SH3RF3: variants seen among roughly 807,000 people sequenced by gnomAD.
The protein encoded by SH3RF3 is SH3 domain containing ring finger 3.
In SH3RF3, 29 loss-of-function variants were observed where a neutral mutation model predicts 66.3. The observed-to-expected ratio is 0.44, with a 90% CI of 0.33 to 0.60. The LOEUF is 0.60. Among genes scored for constraint, SH3RF3 ranks in the 20% least tolerant of loss-of-function variants. The pLI, the probability that SH3RF3 is intolerant of heterozygous loss-of-function variation, is 0.04. For synonymous variants in SH3RF3, 583 were observed against 532.0 expected, an observed-to-expected ratio of 1.10 and a Z score of -1.32; for missense variants, 1,194 against 1,190.9, an observed-to-expected ratio of 1.00 and a Z score of -0.04.
intron 3 of SH3RF3, among the ~76,000 whole-genome samples, chr2:109,375,744 CT>C (rs1178487361): frequency 1.3e-5 from 2 of 152,238 alleles, no homozygotes; most frequent in Admixed American, 6.5e-5. Flanking sequence ...TGCAGCCCCC[CT>C]CTCTTTCTGC....
intron 7 of SH3RF3, among the ~76,000 whole-genome samples, chr2:109,439,037 A>G (rs1216321752): frequency 6.6e-6 from 1 of 152,164 alleles, no homozygotes; most frequent in Non-Finnish European, 1.5e-5. Flanking sequence ...AGCCAGTATA[A>G]TGGTCTTTCC....
chr2:109,192,553 G>A (rs191121427), intron 1 of SH3RF3, among the ~76,000 whole-genome samples: 6 of 152,230 alleles, frequency 3.9e-5, no homozygotes, highest in East Asian at 1.9e-4. Context: ...CTGTGCCAGC[G>A]TGGTCCTCAT....
intron 1 of SH3RF3, among the ~76,000 whole-genome samples, chr2:109,224,968 C>A (rs974130422): frequency 1.3e-5 from 2 of 152,128 alleles, no homozygotes; most frequent in African/African-American, 4.8e-5. Flanking sequence ...ATAACCTTAT[C>A]TTTTTAAAAA....
chr2:109,436,352 A>G (rs1041424585), intron 6 of SH3RF3, among the ~76,000 whole-genome samples: 1 of 152,174 alleles, frequency 6.6e-6, no homozygotes. Flanking sequence ...TCATCTGGAA[A>G]CTTCGGAGTG....
intron 1 of SH3RF3, among the ~76,000 whole-genome samples, chr2:109,203,862 G>C (rs1261143818): frequency 6.6e-6 from 1 of 152,136 alleles, no homozygotes; most frequent in East Asian, 1.9e-4. Flanking sequence ...ACCTACCCCT[G>C]GGCCCTTCTT....
intron 3 of SH3RF3, among the ~76,000 whole-genome samples, chr2:109,392,600 C>T (rs144457377): frequency 0.014 from 2,185 of 152,168 alleles, 61 homozygotes; most frequent in African/African-American, 0.046. Context: ...GCTCAAGCTC[C>T]GCCTCGTGGG....
intron 1 of SH3RF3, among the ~76,000 whole-genome samples, chr2:109,208,132 C>CAG (rs1164813028): frequency 1.3e-5 from 2 of 152,244 alleles, no homozygotes; most frequent in African/African-American, 2.4e-5. Context: ...CCCATGGGCT[C>CAG]AGAGTCTGAG....
chr2:109,471,367 G>A (rs1419014830), intron 8 of SH3RF3, among the ~76,000 whole-genome samples: 4 of 152,266 alleles, frequency 2.6e-5, no homozygotes, highest in Non-Finnish European at 5.9e-5. Context: ...TTCACAAGGC[G>A]GCAGGAGAGA....
intron 2 of SH3RF3, among the ~76,000 whole-genome samples, chr2:109,358,838 A>G (rs1003122477): frequency 6.6e-6 from 1 of 152,198 alleles, no homozygotes; most frequent in Non-Finnish European, 1.5e-5. Context: ...TTTTGGTGCT[A>G]TATCCAAAAA....
At chr2:109,477,886 A>G (rs1678730316) in intron 8 of SH3RF3, among the ~76,000 whole-genome samples, 1 of 152,186 alleles carries the variant, frequency 6.6e-6, no homozygotes, top group Non-Finnish European at 1.5e-5. Context: ...ACTTTGGGGA[A>G]CATGTGCATT....
At chr2:109,222,299 A>C (rs935008045) in intron 1 of SH3RF3, among the ~76,000 whole-genome samples, 25 of 152,336 alleles carry the variant, frequency 1.6e-4, no homozygotes, top group African/African-American at 5.5e-4. Flanking sequence ...GTGATTAGTT[A>C]ACAACAATTT....
chr2:109,493,361 C>T (rs1329077722), intron 9 of SH3RF3, among the ~76,000 whole-genome samples: 1 of 150,552 alleles, frequency 6.6e-6, no homozygotes, highest in Non-Finnish European at 1.5e-5. Flanking sequence ...CAAACAGACA[C>T]ATGCCACACA....
At chr2:109,186,398 G>A (rs1678187637) in intron 1 of SH3RF3, among the ~76,000 whole-genome samples, 1 of 152,242 alleles carries the variant, frequency 6.6e-6, no homozygotes, top group Admixed American at 6.5e-5. Flanking sequence ...TTAAGAGGCG[G>A]AGCCTCGATA....
At chr2:109,217,430 A>G (rs546732523) in intron 1 of SH3RF3, among the ~76,000 whole-genome samples, 11 of 152,338 alleles carry the variant, frequency 7.2e-5, no homozygotes, top group South Asian at 6.2e-4. Flanking sequence ...TGCTCACCAG[A>G]TGGTTTGTCT....
intron 1 of SH3RF3, among the ~76,000 whole-genome samples, chr2:109,320,184 C>CCTCGGGTGCCTCTG (rs760543131): frequency 5.3e-5 from 8 of 152,192 alleles, no homozygotes; most frequent in Non-Finnish European, 1.0e-4. Context: ...CCGTCACAGC[C>CCTCGGGTGCCTCTG]CTCGGCTTGC....
chr2:109,305,929 C>G (rs1200093600), intron 1 of SH3RF3, among the ~76,000 whole-genome samples: 2 of 152,218 alleles, frequency 1.3e-5, no homozygotes, highest in African/African-American at 4.8e-5. Context: ...GCTCCTCCAG[C>G]TGCTCCTCCA....
At chr2:109,499,984 G>A (rs1679349138) in intron 9 of SH3RF3, among the ~76,000 whole-genome samples, 1 of 152,116 alleles carries the variant, frequency 6.6e-6, no homozygotes, top group African/African-American at 2.4e-5. Flanking sequence ...GAGAGTGGGG[G>A]AAGTGAAAAG....
intron 3 of SH3RF3, among the ~76,000 whole-genome samples, chr2:109,389,838 A>C (rs978486959): frequency 6.6e-6 from 1 of 152,026 alleles, no homozygotes; most frequent in Non-Finnish European, 1.5e-5. Flanking sequence ...GTGCACTGTC[A>C]GAGAACAGGT....
chr2:109,378,366 G>C (rs1683438437), intron 3 of SH3RF3, among the ~76,000 whole-genome samples: 1 of 152,178 alleles, frequency 6.6e-6, no homozygotes, highest in Non-Finnish European at 1.5e-5. Flanking sequence ...GGAAGGATGG[G>C]GGCTCTAGTT....
Sources: allele counts gnomAD v4.1 joint callset (sites outside exome capture counted in the v4.1 genomes callset), GRCh38; gene constraint gnomAD v4.1.1; transcripts MANE v1.5; gene names NCBI Gene and HGNC (gene_info 2026-07-23, HGNC 2026-07-21).